ZNF836: variants seen among roughly 807,000 people sequenced by gnomAD.
ZNF836 encodes zinc finger protein 836.
In ZNF836, 12 loss-of-function variants were observed where a neutral mutation model predicts 7.4. The observed-to-expected ratio is 1.61, with a 90% confidence interval of 1.03 to 2.61. ZNF836 has a LOEUF of 2.61. Ranked by LOEUF, ZNF836 falls within the 30% of genes most tolerant of loss-of-function variation. The pLI is 0.00. For synonymous variants in ZNF836, 365 were observed against 382.6 expected (o/e 0.95, Z 0.54); for missense variants, 998 against 1,126.2 (o/e 0.89, Z 1.63).
chr19:52,155,950 C>T lies in ZNF836; in HGVS notation c.1733G>A (p.Gly578Glu). 2 of 1,613,962 alleles carry T rather than the reference C, an allele frequency of 1.2e-6. No individual in the cohort carries two copies. The highest frequency in any genetic ancestry group is 1.7e-6 in the Non-Finnish European group (2 of 1,179,888). ...NLSIHKRIHT[G>E]EKPFQCNECG... Reference sequence around the variant, plus strand: ...TTCATTACATTGGAAAGGTTTCTCTCCCGTATGTATTCTCTTATGAATTGA... The same window carrying T: ...TTCATTACATTGGAAAGGTTTCTCTTCCGTATGTATTCTCTTATGAATTGA... The change falls in exon 5 of 5, where the codon GGA becomes GAA. Residue 578 changes from glycine to glutamate, a missense_variant. By Grantham distance (98) the Gly-to-Glu change is moderately conservative. Coordinates refer to ENST00000682614, the MANE Select transcript of ZNF836 (RefSeq NM_001102657.3).
intron 3 of ZNF836, among the ~76,000 whole-genome samples, chr19:52,162,183 G>A (rs1390067503): frequency 6.6e-6 from 1 of 152,190 alleles, no homozygotes; most frequent in Admixed American, 6.5e-5. Flanking sequence ...CTCCCGAGCT[G>A]GAATCACATA....
intron 4 of ZNF836, among the ~76,000 whole-genome samples, chr19:52,158,077 T>G (rs911610594): frequency 1.3e-5 from 2 of 152,136 alleles, no homozygotes; most frequent in South Asian, 4.1e-4. Context: ...TAATTCAAAT[T>G]AATTTTAAGG....
rs1276170810 is a variant in ZNF836 at position 52,155,933 on chromosome 19, A to G, written c.1750T>C (p.Cys584Arg). The G allele has an allele frequency of 1.2e-6, 2 of 1,614,010 alleles. No individual in the cohort carries two copies. Among genetic ancestry groups the G allele is most frequent in the Non-Finnish European group, 1.7e-6 (2 of 1,179,902 alleles). Residue 584 changes from cysteine to arginine, a missense_variant, in exon 5 of 5, where the codon TGT (cysteine) becomes CGT (arginine). By Grantham distance (180) the Cys-to-Arg change is radical. Transcript: ENST00000682614. ...RIHTGEKPFQ[C>R]NECGTVFRNY... ...CTGAAGACTGTGCCACATTCATTAC[A>G]TTGGAAAGGTTTCTCTCCCGTATGT...
intron 3 of ZNF836, among the ~76,000 whole-genome samples, chr19:52,167,205 G>A (rs2089272719): frequency 6.6e-6 from 1 of 151,626 alleles, no homozygotes; most frequent in East Asian, 2.0e-4. Flanking sequence ...GGCACGGTGG[G>A]TCACACCTGT....
intron 3 of ZNF836, among the ~76,000 whole-genome samples, chr19:52,162,230 C>T (rs1349387478): frequency 6.6e-6 from 1 of 152,136 alleles, no homozygotes. Context: ...CAAAGGTGGC[C>T]CTGCTCCCAG....
rs1568569203 is a variant in ZNF836 at position 52,155,871 on chromosome 19, A to G, written c.1812T>C (p.His604=). The G allele has an allele frequency of 6.2e-7, 1 of 1,614,036 alleles. No individual in the cohort carries two copies. Among genetic ancestry groups the G allele is most frequent in the Non-Finnish European group, 8.5e-7 (1 of 1,179,908 alleles). Reference sequence around the variant, plus strand: ...TACATTTGTAAGGTTTCTGCCCAGTATGAATTCTTAGATGACGTGCTAGGC... The same window carrying G: ...TACATTTGTAAGGTTTCTGCCCAGTGTGAATTCTTAGATGACGTGCTAGGC... ...YSCLARHLRI[H]TGQKPYKCNV... The change falls in exon 5 of 5, where the codon CAT becomes CAC. Residue 604 remains histidine, a synonymous_variant. Coordinates refer to ENST00000682614, the MANE Select transcript of ZNF836 (RefSeq NM_001102657.3).
rs2089174102 is a variant in ZNF836 at position 52,157,313 on chromosome 19, T to A, written c.370A>T (p.Arg124Ter). ...MTYKNNLNGK[R>*]GQHSQEDVEN... ...ACATCCTCTTGACTATGTTGACCTC[T>A]TTTACCATTAAGATTGTTTTTATAG... Residue 124 changes from arginine to a stop codon, truncating the protein, a stop_gained, in exon 5 of 5, where the codon AGA becomes TGA. Coordinates refer to ENST00000682614, the MANE Select transcript of ZNF836 (RefSeq NM_001102657.3). LOFTEE classifies it low-confidence loss of function (END_TRUNC). 2 of 1,604,518 alleles carry A rather than the reference T, an allele frequency of 1.2e-6. No individual in the cohort carries two copies.
At chr19:52,169,057 T>C (rs1357247436) in intron 2 of ZNF836, among the ~76,000 whole-genome samples, 1 of 152,188 alleles carries the variant, frequency 6.6e-6, no homozygotes, top group African/African-American at 2.4e-5. Context: ...CTATACTGTA[T>C]TGGACACTTT....
intron 3 of ZNF836, among the ~76,000 whole-genome samples, chr19:52,164,823 C>T (rs974413934): frequency 2.0e-5 from 3 of 152,168 alleles, no homozygotes; most frequent in Non-Finnish European, 4.4e-5. Context: ...TTCAATGGCT[C>T]ATGCCTGTAA....
intron 3 of ZNF836, among the ~76,000 whole-genome samples, chr19:52,160,957 G>C (rs1220875585): frequency 1.3e-5 from 2 of 152,198 alleles, no homozygotes; most frequent in East Asian, 3.9e-4. Flanking sequence ...AAGCTTTAAA[G>C]AAAGGTCAGA....
chr19:52,157,019 C>T lies in ZNF836; in HGVS notation c.664G>A (p.Gly222Arg). 6.2e-7 allele frequency: 1 copy of T among 1,614,162 alleles called. No individual in the cohort carries two copies. Among genetic ancestry groups the T allele is most frequent in the South Asian group, 1.1e-5 (1 of 91,084 alleles). ...GACACTCTAAAGGCTTTGCCACACC[C>T]TTTACACATATAAGGTTTTTCCCTA... Reference protein sequence around the residue: ...HIREKPYMCKGCGKAFRVSSS... With the variant: ...HIREKPYMCKRCGKAFRVSSS... The change falls in exon 5 of 5, where the codon GGG becomes AGG. Residue 222 changes from glycine to arginine, a missense_variant. Coordinates refer to ENST00000682614, the MANE Select transcript of ZNF836 (RefSeq NM_001102657.3).
chr19:52,160,525 C>T lies in ZNF836; in HGVS notation c.82G>A (p.Val28Met), dbSNP rs774605884. 24 of 1,614,018 alleles carry T rather than the reference C, an allele frequency of 1.5e-5. No homozygotes were observed. The highest frequency in any genetic ancestry group is 1.8e-5 in the Non-Finnish European group (21 of 1,180,022). Residue 28 changes from valine (V) to methionine (M), a missense_variant, in exon 4 of 5, where the codon GTG becomes ATG. Val to Met is a conservative substitution (Grantham distance 21, BLOSUM62 1). Transcript: ENST00000682614. ...ACATCCCAGTACAAAGCTTTCTGCA[C>T]AGGGTCCAGGGATTTCCACTCCTCC... ...SQEEWKSLDP[V>M]QKALYWDVML...
intron 4 of ZNF836, among the ~76,000 whole-genome samples, chr19:52,158,743 G>A (rs927478647): frequency 9.9e-5 from 15 of 151,772 alleles, no homozygotes; most frequent in Admixed American, 2.0e-4. Flanking sequence ...ACTCTGTCTC[G>A]GAAAAACAAA....
At chr19:52,159,593 G>C (rs2089195624) in intron 4 of ZNF836, among the ~76,000 whole-genome samples, 1 of 152,192 alleles carries the variant, frequency 6.6e-6, no homozygotes, top group Admixed American at 6.6e-5. Context: ...ATCATCCCCT[G>C]CACATATTGA....
In ZNF836 at chr19:52,157,146, T is replaced by C; in HGVS notation, c.537A>G (p.Pro179=). Residue 179 remains proline (P), a synonymous_variant, in exon 5 of 5, where the codon CCA becomes CCG. Coordinates refer to ENST00000682614, the MANE Select transcript of ZNF836 (RefSeq NM_001102657.3). ...KTVNNSSLVS[P]LQRILPSVQT... is the part of the protein sequence containing the mutation. Reference sequence around the variant, plus strand: ...GGACACTAGGAAGAATTCTTTGAAGTGGTGAAACTAGGGAACTGTTATTAA... The same window carrying C: ...GGACACTAGGAAGAATTCTTTGAAGCGGTGAAACTAGGGAACTGTTATTAA... The C allele has an allele frequency of 1.2e-6, 2 of 1,608,872 alleles. No individual in the cohort carries two copies. The highest frequency in any genetic ancestry group is 1.7e-6 in the Non-Finnish European group (2 of 1,179,378).
At chr19:52,160,725 G>T in intron 3 of ZNF836, 134 bp from the exon 4 acceptor site, 3 of 1,074,276 alleles carry the variant, frequency 2.8e-6, no homozygotes, top group Non-Finnish European at 2.6e-6. Flanking sequence ...CTGTGAGAAG[G>T]TTATGTGTCC....
chr19:52,165,693 T>C (rs1343098510), intron 3 of ZNF836, among the ~76,000 whole-genome samples: 1 of 152,152 alleles, frequency 6.6e-6, no homozygotes, highest in Non-Finnish European at 1.5e-5. Flanking sequence ...ATTTCCTGCT[T>C]TGCTAGATCT....
intron 3 of ZNF836, among the ~76,000 whole-genome samples, chr19:52,165,672 T>C (rs2089256662): frequency 6.6e-6 from 1 of 152,166 alleles, no homozygotes; most frequent in African/African-American, 2.4e-5. Flanking sequence ...TCGCTTCCTC[T>C]AGGATGGTGC....
rs1231792278 is a variant in ZNF836, at chr19:52,156,310, G to C, written c.1373C>G (p.Ala458Gly). ...TCCAGTATGACTTCTCTGGTGCCTT[G>C]CAAGTTGTGAACGTTGACTGAAGAC... Reference protein sequence around the residue: ...DKVFSQRSQLARHQRSHTGEK... With the variant: ...DKVFSQRSQLGRHQRSHTGEK... The change falls in exon 5 of 5, where the codon GCA becomes GGA. Residue 458 changes from alanine (A) to glycine (G), a missense_variant. Ala to Gly is a moderately conservative substitution (Grantham distance 60). Transcript: ENST00000682614. 1 of 1,614,040 alleles carries C rather than the reference G, an allele frequency of 6.2e-7. No homozygotes were observed. Among genetic ancestry groups the C allele is most frequent in the Non-Finnish European group, 8.5e-7 (1 of 1,179,994 alleles).
Sources: gnomAD v4.1 joint callset for allele counts (sites outside exome capture counted in the v4.1 genomes callset) on GRCh38, gnomAD v4.1.1 for gene constraint, MANE v1.5 for transcripts, NCBI Gene and HGNC (gene_info 2026-07-23, HGNC 2026-07-21) for gene names.